SIMC1: variants seen among roughly 807,000 people sequenced by gnomAD.
SIMC1 encodes SUMO-interacting motif-containing protein 1.
In SIMC1, 55 loss-of-function variants were observed where a neutral mutation model predicts 82.3. The ratio of observed to expected loss-of-function variants is 0.67; its 90% confidence interval spans 0.54 to 0.84. SIMC1 has a LOEUF of 0.84. Ranked by LOEUF, SIMC1 falls within the 40% of genes least tolerant of loss-of-function variation. The pLI is 0.00. For synonymous variants in SIMC1, 353 were observed against 426.3 expected (o/e 0.83, Z 2.12); for missense variants, 915 against 1,107.2 (o/e 0.83, Z 2.46).
chr5:176,331,861 C>T (rs1282107360), intron 7 of SIMC1, among the ~76,000 whole-genome samples: 1 of 151,750 alleles, frequency 6.6e-6, no homozygotes, highest in African/African-American at 2.4e-5. Context: ...CTCAGCTACT[C>T]AGGAGGCTGA....
At chr5:176,271,277 T>G (rs924942154) in intron 1 of SIMC1, among the ~76,000 whole-genome samples, 8 of 152,120 alleles carry the variant, frequency 5.3e-5, no homozygotes, top group Admixed American at 5.2e-4. Context: ...TGAGAATCAT[T>G]TGAACCCTGG....
chr5:176,296,044 C>A, intron 3 of SIMC1: 1 of 894,974 alleles, frequency 1.1e-6, no homozygotes, highest in Non-Finnish European at 1.7e-6. Context: ...AGTACTAAAG[C>A]TTTCCAAAAG....
intron 1 of SIMC1, among the ~76,000 whole-genome samples, chr5:176,241,860 G>C (rs535516106): frequency 6.6e-6 from 1 of 151,778 alleles, no homozygotes; most frequent in Non-Finnish European, 1.5e-5. Flanking sequence ...TAAATCATCT[G>C]TCTGAAATAG....
intron 2 of SIMC1, among the ~76,000 whole-genome samples, chr5:176,294,010 A>G (rs1763697353): frequency 6.6e-6 from 1 of 152,190 alleles, no homozygotes; most frequent in East Asian, 1.9e-4. Flanking sequence ...TCGCACAAAA[A>G]AAAAATGGAA....
chr5:176,301,017 A>G (rs1381431032), intron 4 of SIMC1, among the ~76,000 whole-genome samples: 1 of 152,222 alleles, frequency 6.6e-6, no homozygotes, highest in Admixed American at 6.5e-5. Flanking sequence ...AAACATTTAA[A>G]TAAAAATTAA....
At chr5:176,242,494 C>G (rs1440800709) in intron 1 of SIMC1, among the ~76,000 whole-genome samples, 1 of 151,610 alleles carries the variant, frequency 6.6e-6, no homozygotes, top group Non-Finnish European at 1.5e-5. Context: ...ATATCTTTTT[C>G]TTAGTTTTTT....
intron 2 of SIMC1, among the ~76,000 whole-genome samples, chr5:176,294,291 C>CTGTT (rs70991528): frequency 0.74 from 112,073 of 151,448 alleles, 41,612 homozygotes; most frequent in Middle Eastern, 0.84. Context: ...TCTTTTTTGT[C>CTGTT]TGTTTTGATT....
intron 1 of SIMC1, among the ~76,000 whole-genome samples, chr5:176,280,724 G>C (rs1411525560): frequency 5.9e-5 from 9 of 151,712 alleles, no homozygotes; most frequent in Non-Finnish European, 1.3e-4. Context: ...TGAAATTCTG[G>C]GTTGAAAATT....
intron 7 of SIMC1, among the ~76,000 whole-genome samples, chr5:176,334,864 G>A (rs914402734): frequency 6.6e-6 from 1 of 152,052 alleles, no homozygotes; most frequent in Admixed American, 6.6e-5. Context: ...AGGCAGTTGG[G>A]GTGGATCACC....
Position 176,336,116 on chromosome 5 carries a change from G to A in SIMC1, c.2172-604G>A, listed in dbSNP as rs550214711. 1.3e-3 allele frequency among the ~76,000 whole-genome samples: 190 copies of A among 151,600 alleles called. 1 individual carries two copies. The highest frequency in any genetic ancestry group is 4.5e-3 in the African/African-American group (184 of 41,214). ...AGGGGGAGAGAGAGAGAGAGAGAGA[G>A]ATTAGAAAGCAAGAGAAAGAAAGAG... On this transcript the variant is annotated intron_variant, in intron 7 of 9. Coordinates refer to ENST00000429602, the MANE Select transcript of SIMC1 (RefSeq NM_001308195.2).
chr5:176,308,527 C>T (rs1270177189), intron 4 of SIMC1: 1 of 1,604,884 alleles, frequency 6.2e-7, no homozygotes, highest in Non-Finnish European at 8.5e-7. Flanking sequence ...CTTATTTTTT[C>T]CTGTTTCATA....
Position 176,243,660 on chromosome 5 carries a change from C to T in SIMC1, c.129+5023C>T, listed in dbSNP as rs1231238287. On this transcript the variant is annotated intron_variant, in intron 1 of 9. Coordinates refer to ENST00000429602, the MANE Select transcript of SIMC1 (RefSeq NM_001308195.2). ...ACCTCAGCCTCCCGAGTAGCCGGGA[C>T]TACAAGCACACCACCACGCTTGACT... Among the ~76,000 whole-genome samples the T allele has an allele frequency of 3.9e-5, 6 of 151,992 alleles. No homozygotes were observed. The East Asian group carries it at 1.2e-3, about 29-fold the overall frequency.
At chr5:176,321,885 CTTTTT>C (rs11418187) in intron 5 of SIMC1, among the ~76,000 whole-genome samples, 1 of 90,720 alleles carries the variant, frequency 1.1e-5, no homozygotes, top group Non-Finnish European at 2.0e-5. Context: ...TTTTAGTTAG[CTTTTT>C]TTTTTTTTTT....
In SIMC1 at chr5:176,343,173, GAAAATGTAACCTGATAAACCGCTT is replaced by G. The variant is rs1766227536; in HGVS notation, c.2414-1993_2414-1970del. 2.6e-5 allele frequency among the ~76,000 whole-genome samples: 4 copies of G among 152,296 alleles called. No individual in the cohort carries two copies. The South Asian group carries it at 8.3e-4, about 32-fold the overall frequency. On this transcript the variant is annotated intron_variant, in intron 9 of 9. Coordinates refer to ENST00000429602, the MANE Select transcript of SIMC1 (RefSeq NM_001308195.2). ...AAAAAACATATTGAATGTATTACTTGAAAATGTAACCTGATAAACCGCTTAAAATGTAACCTGATATACCACTTA... is the reference window on the plus strand; with the variant it reads ...AAAAAACATATTGAATGTATTACTTGAAAATGTAACCTGATATACCACTTA...
At chr5:176,316,863 T>C (rs969536853) in intron 5 of SIMC1, among the ~76,000 whole-genome samples, 3 of 152,100 alleles carry the variant, frequency 2.0e-5, no homozygotes, top group Admixed American at 2.0e-4. Flanking sequence ...GGTGCACTTC[T>C]GTAATCCCAG....
At chr5:176,327,014 A>G (rs1428959566) in intron 7 of SIMC1, among the ~76,000 whole-genome samples, 1 of 152,238 alleles carries the variant, frequency 6.6e-6, no homozygotes, top group East Asian at 1.9e-4. Flanking sequence ...AGTGTGTTGT[A>G]CTGGTCAGAC....
At chr5:176,246,410 GTGT>G (rs1561668355) in intron 1 of SIMC1, among the ~76,000 whole-genome samples, 4 of 97,694 alleles carry the variant, frequency 4.1e-5, no homozygotes, top group Admixed American at 1.0e-4. Flanking sequence ...GTTCAGGGGT[GTGT>G]GTGTGTGTGT....
chr5:176,342,606 C>A (rs568192959), intron 9 of SIMC1, among the ~76,000 whole-genome samples: 4 of 152,224 alleles, frequency 2.6e-5, no homozygotes, highest in African/African-American at 9.6e-5. Flanking sequence ...GGCTTCCTAC[C>A]CTGATTTTCT....
Position 176,324,695 on chromosome 5 carries a change from C to A in SIMC1, c.2109C>A (p.Ser703Arg). The change falls in exon 7 of 10, where the codon AGC becomes AGA. Residue 703 changes from serine (S) to arginine (R), a missense_variant. Ser to Arg is a moderately radical substitution (Grantham distance 110). Around this residue, in one of 2 missense-constraint regions of SIMC1, gnomAD observed 902 missense variants for 1,040.3 expected, o/e 0.87. Coordinates refer to ENST00000429602, the MANE Select transcript of SIMC1 (RefSeq NM_001308195.2). ...AVEVDRTPTCSSNKIAEMMFG... is the reference protein window; with the variant it reads ...AVEVDRTPTCRSNKIAEMMFG... ...AGGTGGACAGGACCCCCACCTGCAG[C>A]TCCAATAAAATTGCCGAGATGATGT... 6.2e-7 allele frequency: 1 copy of A among 1,605,896 alleles called. No homozygotes were observed. The highest frequency in any genetic ancestry group is 8.5e-7 in the Non-Finnish European group (1 of 1,176,090).
Sources: gnomAD v4.1 joint callset for allele counts (sites outside exome capture counted in the v4.1 genomes callset) on GRCh38, gnomAD v4.1.1 for gene constraint, gnomAD v4.1.1 regional missense constraint, MANE v1.5 for transcripts, NCBI Gene and HGNC (gene_info 2026-07-23, HGNC 2026-07-21) for gene names.